The following GRHL3 variants were observed in gnomAD, a reference collection of about 807,000 sequenced individuals.
The protein encoded by GRHL3 is grainyhead-like protein 3 homolog.
Under a neutral mutation model 70.3 loss-of-function variants are expected in GRHL3, and 20 were observed. That is an observed-to-expected ratio of 0.28 (90% CI 0.20 to 0.41). The LOEUF (loss-of-function observed/expected upper bound fraction) is 0.41, where lower values mean the gene tolerates loss of function less well. Among genes scored for constraint, GRHL3 ranks in the 10% least tolerant of loss-of-function variants. The pLI, the probability that GRHL3 is intolerant of heterozygous loss-of-function variation, is 1.00. For synonymous variants in GRHL3, 299 were observed against 299.9 expected, an observed-to-expected ratio of 1.00 and a Z score of 0.03; for missense variants, 637 against 762.3, an observed-to-expected ratio of 0.84 and a Z score of 1.94.
At chr1:24,359,618 C>T (rs1210945929), downstream of GRHL3, among the ~76,000 whole-genome samples, 1 of 152,192 alleles carries the variant, frequency 6.6e-6, no homozygotes, top group Non-Finnish European at 1.5e-5. The surrounding 1 kb of genome is among the most constrained non-coding windows in gnomAD (Gnocchi z 5.3). Flanking sequence ...ACTGTGGCCT[C>T]TGGGGGCAAA....
chr1:24,355,613 C>T (rs945307318), downstream of GRHL3, among the ~76,000 whole-genome samples: 1 of 152,194 alleles, frequency 6.6e-6, no homozygotes, highest in Non-Finnish European at 1.5e-5. Context: ...GAGGACCTCA[C>T]AGCTGAGGCC....
downstream of GRHL3, chr1:24,357,964 C>T (rs1640830272): frequency 2.9e-6 from 1 of 344,126 alleles, no homozygotes; most frequent in Non-Finnish European, 5.8e-6. Context: ...GAGGTCTTTC[C>T]AAACAGGTGG....
At chr1:24,333,221 G>C (rs1639673884) in intron 2 of GRHL3, among the ~76,000 whole-genome samples, 2 of 152,314 alleles carry the variant, frequency 1.3e-5, no homozygotes, top group Middle Eastern at 3.4e-3. Flanking sequence ...TCTGGATTCA[G>C]AGCAGCCCCC....
chr1:24,350,119 G>A lies in GRHL3; in HGVS notation c.1691G>A (p.Arg564Gln), dbSNP rs766563561. Residue 564 changes from arginine (R) to glutamine (Q), a missense_variant, in exon 15 of 16, where the codon CGA (arginine) becomes CAA (glutamine). Physicochemically the swap from Arg to Gln is conservative, Grantham distance 43 (BLOSUM62 1). This residue lies in a region of GRHL3 where 387 missense variants were observed against 513.8 expected (regional missense o/e 0.75). Coordinates refer to ENST00000361548, the MANE Select transcript of GRHL3 (RefSeq NM_198173.3). ...NIYKVYKKCKRGILVNMDNNI... is the reference protein window; with the variant it reads ...NIYKVYKKCKQGILVNMDNNI... ...TACAAAGTCTACAAGAAATGCAAGC[G>A]AGGGTGAGTGCCTAGTTCACCCTCC... 42 of 1,612,948 alleles carry A rather than the reference G, an allele frequency of 2.6e-5. No individual in the cohort carries two copies. Among genetic ancestry groups the A allele is most frequent in the Non-Finnish European group, 3.2e-5 (38 of 1,179,354 alleles).
chr1:24,320,583 T>C (rs942083317), intron 1 of GRHL3, among the ~76,000 whole-genome samples: 2 of 152,188 alleles, frequency 1.3e-5, no homozygotes, highest in Non-Finnish European at 2.9e-5. Flanking sequence ...GATTGTACCA[T>C]CTTTTTTCTA....
intron 15 of GRHL3, chr1:24,361,154 T>C: frequency 9.8e-7 from 1 of 1,020,920 alleles, no homozygotes; most frequent in Non-Finnish European, 1.4e-6. Context: ...AGAGGACTGG[T>C]CACGGCACTG....
chr1:24,326,031 A>T (rs1348207270), intron 1 of GRHL3, among the ~76,000 whole-genome samples: 1 of 152,206 alleles, frequency 6.6e-6, no homozygotes, highest in Non-Finnish European at 1.5e-5. Context: ...TCCTCAAATG[A>T]GGACAGTCAT....
At chr1:24,329,480 A>T (rs769213942) in intron 1 of GRHL3, among the ~76,000 whole-genome samples, 2 of 152,236 alleles carry the variant, frequency 1.3e-5, no homozygotes, top group African/African-American at 2.4e-5. Context: ...ACGGAAAAGC[A>T]GTGTGGCTGC....
intron 2 of GRHL3, 44 bp downstream of exon 2, chr1:24,331,656 G>GACAA (rs1639620857): frequency 1.3e-6 from 2 of 1,551,160 alleles, no homozygotes; most frequent in Non-Finnish European, 1.8e-6. Context: ...GACTGAATGG[G>GACAA]TGTCTTCACT....
chr1:24,326,832 C>A (rs966980305), intron 1 of GRHL3, among the ~76,000 whole-genome samples: 8 of 152,158 alleles, frequency 5.3e-5, no homozygotes, highest in African/African-American at 1.9e-4. Context: ...CATTCAGTAC[C>A]CTGCAACAGG....
intron 11 of GRHL3, among the ~76,000 whole-genome samples, chr1:24,344,633 C>T (rs1557702047): frequency 1.3e-5 from 2 of 151,828 alleles, no homozygotes; most frequent in Non-Finnish European, 2.9e-5. Context: ...CTCAGTGTGA[C>T]TCTGCTCTGA....
At chr1:24,353,131 C>T (rs1306302138) in intron 15 of GRHL3, among the ~76,000 whole-genome samples, 3 of 152,192 alleles carry the variant, frequency 2.0e-5, no homozygotes, top group African/African-American at 7.2e-5. Context: ...AAATCCCAGC[C>T]CTGCCATCTA....
In GRHL3 at chr1:24,334,652, A is replaced by T; in HGVS notation, c.212A>T (p.Lys71Met). The change falls in exon 3 of 16, where the codon AAG becomes ATG. Residue 71 changes from lysine (K) to methionine (M), a missense_variant. Lys to Met is a moderately conservative substitution (Grantham distance 95, BLOSUM62 -1). Transcript: ENST00000361548. This position sits in a 1 kb window ranked among gnomAD's most constrained non-coding sequence, Gnocchi z 4.3. ...SFLYDYYMGP[K>M]EKRILSSSTG... Reference sequence around the variant, plus strand: ...TCCTTTCTCTCTTCTCAGGGTCCCAAGGAGAAGCGGATATTGTCCTCCAGC... The same window carrying T: ...TCCTTTCTCTCTTCTCAGGGTCCCATGGAGAAGCGGATATTGTCCTCCAGC... 2 of 1,611,354 alleles carry T rather than the reference A, an allele frequency of 1.2e-6. No individual in the cohort carries two copies. Among genetic ancestry groups the T allele is most frequent in the African/African-American group, 2.7e-5 (2 of 74,944 alleles).
intron 1 of GRHL3, among the ~76,000 whole-genome samples, chr1:24,324,928 C>A (rs1462357553): frequency 6.6e-6 from 1 of 152,164 alleles, no homozygotes; most frequent in East Asian, 1.9e-4. Flanking sequence ...TGTGACGAGG[C>A]ACATTTCACA....
chr1:24,328,489 G>A (rs1348842013), intron 1 of GRHL3, among the ~76,000 whole-genome samples: 1 of 152,256 alleles, frequency 6.6e-6, no homozygotes, highest in Non-Finnish European at 1.5e-5. Flanking sequence ...TAGGCCAAGA[G>A]ACCCACCCAG....
At chr1:24,336,086 C>T (rs993290929) in intron 3 of GRHL3, among the ~76,000 whole-genome samples, 4 of 152,110 alleles carry the variant, frequency 2.6e-5, no homozygotes, top group Non-Finnish European at 4.4e-5. Context: ...CAGAGATACA[C>T]GTTTCTTCCA....
chr1:24,345,040 GC>G lies in GRHL3; in HGVS notation c.1454+114del, dbSNP rs11306425. ...ACACCTGTGCCCCCTCTACACCTGT[GC>G]CCCCTCCACACCTGTGCCCCTCCAC... On this transcript the variant is annotated intron_variant, in intron 12 of 15. Coordinates refer to ENST00000361548, the MANE Select transcript of GRHL3 (RefSeq NM_198173.3). 2,209 of 735,470 alleles carry G rather than the reference GC, an allele frequency of 3.0e-3. 347 individuals carry two copies. The highest frequency in any genetic ancestry group is 0.013 in the African/African-American group (234 of 18,410). 45.6% of individuals were successfully genotyped at this position (735,470 alleles called of 1,614,324 possible). A position where few individuals can be genotyped will look rare whatever the true frequency, so the allele number is the denominator to read the frequency against.
At chr1:24,338,906 A>G (rs1286303701) in intron 7 of GRHL3, among the ~76,000 whole-genome samples, 2 of 152,188 alleles carry the variant, frequency 1.3e-5, no homozygotes, top group African/African-American at 4.8e-5. Context: ...CTCAAAGCAT[A>G]GTTGTGAAGG....
chr1:24,348,904 C>T (rs142618941), intron 14 of GRHL3, among the ~76,000 whole-genome samples: 4 of 152,314 alleles, frequency 2.6e-5, no homozygotes, highest in Admixed American at 2.0e-4. Context: ...ACCTGAAACC[C>T]AGGACCTGAG....
Sources: allele counts gnomAD v4.1 joint callset (sites outside exome capture counted in the v4.1 genomes callset), GRCh38; gene constraint gnomAD v4.1.1; regional missense constraint gnomAD v4.1.1; non-coding constraint Gnocchi (gnomAD v3.1); transcripts MANE v1.5; gene names NCBI Gene and HGNC (gene_info 2026-07-23, HGNC 2026-07-21).